RBFOX1: variants seen among roughly 807,000 people sequenced by gnomAD.
RBFOX1 encodes RNA binding fox-1 homolog 1.
Under a neutral mutation model 57.7 loss-of-function variants are expected in RBFOX1, and 8 were observed. The observed-to-expected ratio is 0.14, with a 90% confidence interval of 0.08 to 0.25. The LOEUF (loss-of-function observed/expected upper bound fraction) is 0.25, where lower values mean the gene tolerates loss of function less well. Ranked by LOEUF, RBFOX1 falls within the 10% of genes least tolerant of loss-of-function variation. The probability of loss-of-function intolerance (pLI) is 1.00; values close to 1 mark genes in which losing one functional copy is unlikely to be tolerated. For synonymous variants in RBFOX1, 326 were observed against 222.4 expected, an observed-to-expected ratio of 1.47 and a Z score of -4.15; for missense variants, 611 against 548.5, an observed-to-expected ratio of 1.11 and a Z score of -1.14.
intron 3 of RBFOX1, among the ~76,000 whole-genome samples, chr16:6,729,891 G>A (rs985983994): frequency 3.9e-5 from 6 of 152,118 alleles, no homozygotes; most frequent in African/African-American, 1.4e-4. Flanking sequence ...GAATGGCCCA[G>A]GAGATACAAC....
intron 4 of RBFOX1, among the ~76,000 whole-genome samples, chr16:5,876,813 C>G (rs921571184): frequency 1.3e-5 from 2 of 152,234 alleles, no homozygotes; most frequent in Admixed American, 6.5e-5. Context: ...AGCAGAAGTT[C>G]CAGCCTGTCA....
intron 4 of RBFOX1, among the ~76,000 whole-genome samples, chr16:7,487,326 G>A (rs2086159333): frequency 1.3e-5 from 2 of 151,946 alleles, no homozygotes; most frequent in South Asian, 2.1e-4. Context: ...CTTGCTCCAC[G>A]CCCTCATACT....
chr16:6,687,595 T>C (rs897203864), intron 3 of RBFOX1, among the ~76,000 whole-genome samples: 5 of 152,226 alleles, frequency 3.3e-5, no homozygotes, highest in African/African-American at 1.2e-4. Flanking sequence ...TAAAATTAAC[T>C]TCAGGTCTAA....
chr16:6,262,683 T>G (rs749646662), intron 1 of RBFOX1, among the ~76,000 whole-genome samples: 4 of 152,176 alleles, frequency 2.6e-5, no homozygotes, highest in Non-Finnish European at 5.9e-5. Context: ...TTGAGGGCTG[T>G]GATTTATTAT....
chr16:7,020,376 T>C (rs1238933675), intron 3 of RBFOX1, among the ~76,000 whole-genome samples: 1 of 151,942 alleles, frequency 6.6e-6, no homozygotes, highest in Admixed American at 6.6e-5. Flanking sequence ...CAGGCTGCCA[T>C]GCCCAGCTAC....
At chr16:6,435,170 G>T (rs1187427464) in intron 2 of RBFOX1, among the ~76,000 whole-genome samples, 3 of 152,012 alleles carry the variant, frequency 2.0e-5, no homozygotes, top group African/African-American at 7.3e-5. Context: ...GTGAACGCAT[G>T]TTACCACTGA....
intron 2 of RBFOX1, among the ~76,000 whole-genome samples, chr16:6,641,977 C>G (rs1028988321): frequency 2.6e-5 from 4 of 152,074 alleles, no homozygotes; most frequent in Admixed American, 6.5e-5. Context: ...CACAGGAACC[C>G]GTCAATGAAA....
chr16:7,524,941 C>A (rs568098475), intron 5 of RBFOX1, among the ~76,000 whole-genome samples: 8 of 152,112 alleles, frequency 5.3e-5, no homozygotes, highest in Non-Finnish European at 1.2e-4. Flanking sequence ...GCAATTCAGG[C>A]TTGGGGTTTA....
In RBFOX1 at chr16:7,214,633, G is replaced by T. The variant is rs566611390; in HGVS notation, c.27+162535G>T. Among the ~76,000 whole-genome samples, 12 of 152,108 alleles carry T rather than the reference G, an allele frequency of 7.9e-5. No individual in the cohort carries two copies. In the South Asian group the frequency reaches 2.5e-3, roughly 32 times the overall value. On this transcript the variant is annotated intron_variant, in intron 4 of 15. Transcript: ENST00000550418. ...TTTTAGTACAAATCTGATCATGTCT[G>T]AGCTACTTAAAACTCTTCTGTGGCT... is the stretch of plus-strand genomic sequence containing the variant.
At chr16:6,232,759 A>C (rs1012007863) in intron 1 of RBFOX1, among the ~76,000 whole-genome samples, 1 of 152,136 alleles carries the variant, frequency 6.6e-6, no homozygotes, top group African/African-American at 2.4e-5. Context: ...TCATTAATGC[A>C]GTGACCTCGA....
chr16:7,682,629 C>G (rs989140742), intron 14 of RBFOX1, among the ~76,000 whole-genome samples: 6 of 150,254 alleles, frequency 4.0e-5, no homozygotes, highest in African/African-American at 1.5e-4. Context: ...AAAAGATGAT[C>G]TGTCAAGTTG....
At chr16:7,111,094 A>C (rs2064669039) in intron 4 of RBFOX1, among the ~76,000 whole-genome samples, 1 of 152,198 alleles carries the variant, frequency 6.6e-6, no homozygotes, top group South Asian at 2.1e-4. Context: ...GTGGTTCACT[A>C]TGTCGAGACA....
chr16:5,889,365 T>C (rs866074785), intron 4 of RBFOX1, among the ~76,000 whole-genome samples: 7 of 152,328 alleles, frequency 4.6e-5, no homozygotes, highest in African/African-American at 1.7e-4. Context: ...GATAATGGCT[T>C]CCAGTTCCAT....
intron 1 of RBFOX1, among the ~76,000 whole-genome samples, chr16:5,317,223 A>G (rs2064266406): frequency 6.6e-6 from 1 of 152,064 alleles, no homozygotes; most frequent in Admixed American, 6.6e-5. Flanking sequence ...CAATCTCTCG[A>G]TATATGTATG....
rs71142624 is a variant in RBFOX1, at chr16:5,485,345, CA to C, written c.258+18114del. On this transcript the variant is annotated intron_variant, in intron 2 of 2. Coordinates refer to the RBFOX1 transcript ENST00000585867. ...TGGGCGACAGAGCCAGACTCCGTGT[CA>C]AAAAAAAAAAAAAAAAAAAAAAGTG... is the stretch of plus-strand genomic sequence containing the variant. Among the ~76,000 whole-genome samples, 474 of 51,656 alleles carry C rather than the reference CA, an allele frequency of 9.2e-3. 14 individuals are homozygous for C. Among genetic ancestry groups the C allele is most frequent in the South Asian group, 0.036 (24 of 668 alleles). 33.9% of individuals were successfully genotyped at this position (51,656 alleles called of 152,430 possible).
intron 3 of RBFOX1, among the ~76,000 whole-genome samples, chr16:6,694,903 G>T (rs1044925309): frequency 2.0e-5 from 3 of 151,856 alleles, no homozygotes; most frequent in Admixed American, 6.6e-5. Context: ...AGCATGCGTG[G>T]TAAACAGGAC....
chr16:5,827,409 A>G (rs1395464387), intron 3 of RBFOX1, among the ~76,000 whole-genome samples: 1 of 151,264 alleles, frequency 6.6e-6, no homozygotes, highest in Non-Finnish European at 1.5e-5. Flanking sequence ...CAGGGAAAAA[A>G]AAAAAAAAAA....
intron 4 of RBFOX1, among the ~76,000 whole-genome samples, chr16:7,260,928 T>G (rs1447557662): frequency 1.3e-5 from 2 of 152,214 alleles, no homozygotes; most frequent in Non-Finnish European, 2.9e-5. Flanking sequence ...CGGTGAATGC[T>G]AGGCTCTGGC....
At chr16:6,708,304 A>ACT (rs1491520644) in intron 3 of RBFOX1, among the ~76,000 whole-genome samples, 2 of 96,324 alleles carry the variant, frequency 2.1e-5, no homozygotes, top group Admixed American at 1.3e-4. Context: ...ACACACACAC[A>ACT]CTCACACTCA....
Sources: gnomAD v4.1 joint callset for allele counts (sites outside exome capture counted in the v4.1 genomes callset) on GRCh38, gnomAD v4.1.1 for gene constraint, MANE v1.5 for transcripts, NCBI Gene and HGNC (gene_info 2026-07-23, HGNC 2026-07-21) for gene names.